The following PRKN variants were observed in gnomAD, a reference collection of about 807,000 sequenced individuals.
PRKN encodes the protein parkin RBR E3 ubiquitin protein ligase, also known as E3 ubiquitin-protein ligase parkin.
Under a neutral mutation model 59.5 loss-of-function variants are expected in PRKN, and 56 were observed. The ratio of observed to expected loss-of-function variants is 0.94; its 90% CI spans 0.76 to 1.18. The LOEUF (loss-of-function observed/expected upper bound fraction) is 1.18. Ranked by LOEUF, PRKN falls within the 50% of genes most tolerant of loss-of-function variation. The probability of loss-of-function intolerance (pLI) is 0.00; values close to 1 mark genes in which losing one functional copy is unlikely to be tolerated. For synonymous variants in PRKN, 250 were observed against 222.1 expected, an observed-to-expected ratio of 1.13 and a Z score of -1.12; for missense variants, 657 against 596.4, an observed-to-expected ratio of 1.10 and a Z score of -1.06.
intron 2 of PRKN, among the ~76,000 whole-genome samples, chr6:162,404,603 A>C (rs1787969031): frequency 6.6e-6 from 1 of 151,730 alleles, no homozygotes; most frequent in South Asian, 2.1e-4. Flanking sequence ...CCCAGGCTAG[A>C]GTGCAGTGGT....
intron 1 of PRKN, among the ~76,000 whole-genome samples, chr6:162,704,027 G>C (rs1338884604): frequency 6.6e-6 from 1 of 152,182 alleles, no homozygotes; most frequent in African/African-American, 2.4e-5. Context: ...TTAGCTAAGA[G>C]ACACAGGTGC....
intron 2 of PRKN, among the ~76,000 whole-genome samples, chr6:162,296,172 C>T (rs1363101367): frequency 6.6e-6 from 1 of 151,968 alleles, no homozygotes; most frequent in Non-Finnish European, 1.5e-5. Flanking sequence ...AGACCAAGAG[C>T]TGTCAAGGCC....
chr6:161,797,800 C>G (rs1790912506), intron 6 of PRKN, among the ~76,000 whole-genome samples: 1 of 152,168 alleles, frequency 6.6e-6, no homozygotes, highest in Non-Finnish European at 1.5e-5. Flanking sequence ...ATTTTCCCAA[C>G]TTAGTTGTTT....
At chr6:162,229,941 C>A (rs560420189) in intron 3 of PRKN, among the ~76,000 whole-genome samples, 2 of 152,202 alleles carry the variant, frequency 1.3e-5, no homozygotes, top group Admixed American at 1.3e-4. Flanking sequence ...GGCTAGGAAT[C>A]CTGCCTGTTG....
intron 1 of PRKN, among the ~76,000 whole-genome samples, chr6:162,666,161 C>T (rs940461724): frequency 3.9e-5 from 6 of 152,006 alleles, no homozygotes; most frequent in Non-Finnish European, 8.8e-5. Context: ...ATTCTCAATC[C>T]AGTTTTAAGA....
At chr6:162,021,456 TATATA>T (rs1427182693) in intron 5 of PRKN, among the ~76,000 whole-genome samples, 131 of 6,824 alleles carry the variant, frequency 0.019, no homozygotes, top group African/African-American at 0.041. Flanking sequence ...TATATATATA[TATATA>T]TTTTTTTTTT....
At chr6:162,186,530 C>CT (rs1784042178) in intron 4 of PRKN, among the ~76,000 whole-genome samples, 2 of 152,134 alleles carry the variant, frequency 1.3e-5, no homozygotes, top group Admixed American at 1.3e-4. Context: ...ACTCAGAGAG[C>CT]TTGATATGGC....
intron 3 of PRKN, among the ~76,000 whole-genome samples, chr6:162,209,573 A>G (rs1180455702): frequency 6.6e-6 from 1 of 152,146 alleles, no homozygotes; most frequent in African/African-American, 2.4e-5. Context: ...AGAACTAGAA[A>G]TACCATTTGA....
intron 1 of PRKN, among the ~76,000 whole-genome samples, chr6:162,514,091 A>G (rs945912138): frequency 2.0e-5 from 3 of 152,086 alleles, no homozygotes; most frequent in Non-Finnish European, 2.9e-5. Context: ...AAACTAAAAT[A>G]CCAGGAAGAA....
intron 2 of PRKN, among the ~76,000 whole-genome samples, chr6:162,373,625 T>A (rs1255356677): frequency 6.6e-6 from 1 of 152,168 alleles, no homozygotes; most frequent in Non-Finnish European, 1.5e-5. Flanking sequence ...TATGTAATAC[T>A]TCCTTTATAG....
At chr6:162,226,637 G>C (rs1015009851) in intron 3 of PRKN, among the ~76,000 whole-genome samples, 2 of 152,170 alleles carry the variant, frequency 1.3e-5, no homozygotes, top group Admixed American at 6.5e-5. Flanking sequence ...GGGTTCAAGC[G>C]ATTCTCCTGT....
At chr6:161,431,694 C>T (rs983619330) in intron 9 of PRKN, among the ~76,000 whole-genome samples, 12 of 151,820 alleles carry the variant, frequency 7.9e-5, no homozygotes, top group African/African-American at 2.9e-4. Context: ...CTCACTGCAA[C>T]CTCCGCCTCC....
At chr6:161,960,462 G>A (rs1029474011) in intron 6 of PRKN, among the ~76,000 whole-genome samples, 4 of 152,160 alleles carry the variant, frequency 2.6e-5, no homozygotes, top group African/African-American at 7.2e-5. Flanking sequence ...TAAATCACGC[G>A]ATAAGAATTT....
chr6:162,009,274 G>A (rs918799130), intron 5 of PRKN, among the ~76,000 whole-genome samples: 1 of 151,528 alleles, frequency 6.6e-6, no homozygotes, highest in Non-Finnish European at 1.5e-5. Flanking sequence ...CAAAGAAAGA[G>A]GTGAGATACT....
intron 6 of PRKN, among the ~76,000 whole-genome samples, chr6:161,901,204 G>A (rs1348533332): frequency 6.6e-5 from 10 of 152,080 alleles, no homozygotes; most frequent in Non-Finnish European, 1.5e-4. Context: ...CCAAAGTGCT[G>A]GGATTACAGG....
At chr6:162,229,140 T>C (rs1331976553) in intron 3 of PRKN, among the ~76,000 whole-genome samples, 1 of 152,176 alleles carries the variant, frequency 6.6e-6, no homozygotes, top group East Asian at 1.9e-4. Flanking sequence ...GCAAATTGTC[T>C]CCCTGACTCA....
At chr6:162,622,859 C>A (rs945358404) in intron 1 of PRKN, among the ~76,000 whole-genome samples, 2 of 152,124 alleles carry the variant, frequency 1.3e-5, no homozygotes, top group African/African-American at 4.8e-5. Flanking sequence ...TTATTTTACA[C>A]GTGAAATGCT....
chr6:161,493,411 A>C (rs953265326), intron 9 of PRKN, among the ~76,000 whole-genome samples: 1 of 152,166 alleles, frequency 6.6e-6, no homozygotes, highest in South Asian at 2.1e-4. Flanking sequence ...CACATCTAAT[A>C]AGTGCCAGGG....
intron 6 of PRKN, among the ~76,000 whole-genome samples, chr6:161,798,841 C>G (rs1424150878): frequency 6.6e-6 from 1 of 152,116 alleles, no homozygotes; most frequent in East Asian, 1.9e-4. Context: ...GGAAGAAGAG[C>G]CTGTGCAGAC....
Sources: gnomAD v4.1 joint callset for allele counts (sites outside exome capture counted in the v4.1 genomes callset) on GRCh38, gnomAD v4.1.1 for gene constraint, MANE v1.5 for transcripts, NCBI Gene and HGNC (gene_info 2026-07-23, HGNC 2026-07-21) for gene names.